Variants in UNC79 observed in about 807,000 individuals in gnomAD.
The protein encoded by UNC79 is protein unc-79 homolog.
UNC79 carries 37 observed loss-of-function variants against 283.1 expected under a neutral mutation model. The observed-to-expected ratio is 0.13, with a 90% CI of 0.10 to 0.17. UNC79 has a LOEUF of 0.17. Among genes scored for constraint, UNC79 ranks in the 10% least tolerant of loss-of-function variants. UNC79 has a pLI of 1.00. For synonymous variants in UNC79, 1,107 were observed against 1,200.2 expected (o/e 0.92, Z 1.61); for missense variants, 2,272 against 3,211.1 (o/e 0.71, Z 7.07).
At chr14:93,604,264 C>T (rs2065726469) in intron 26 of UNC79, among the ~76,000 whole-genome samples, 1 of 152,090 alleles carries the variant, frequency 6.6e-6, no homozygotes, top group African/African-American at 2.4e-5. Context: ...TATTTCTTAT[C>T]CTGTCAGAAG....
intron 47 of UNC79, among the ~76,000 whole-genome samples, chr14:93,695,785 G>A (rs569449137): frequency 1.5e-4 from 23 of 150,468 alleles, no homozygotes; most frequent in Non-Finnish European, 3.0e-4. Flanking sequence ...CCAGCTACAC[G>A]GGAGGCTGAG....
chr14:93,479,548 T>G (rs986472956), intron 4 of UNC79, among the ~76,000 whole-genome samples: 1 of 152,106 alleles, frequency 6.6e-6, no homozygotes, highest in Admixed American at 6.6e-5. Context: ...TCCACCCGCC[T>G]CAGCCTCCCA....
At chr14:93,687,778 CT>C (rs1373868304) in intron 43 of UNC79, among the ~76,000 whole-genome samples, 2 of 152,140 alleles carry the variant, frequency 1.3e-5, no homozygotes. Flanking sequence ...ACTTAAATGA[CT>C]TTGATGTACA....
At chr14:93,705,582 C>G (rs2075823272) in intron 48 of UNC79, among the ~76,000 whole-genome samples, 1 of 152,202 alleles carries the variant, frequency 6.6e-6, no homozygotes, top group Admixed American at 6.5e-5. Flanking sequence ...GGTCAGGGCC[C>G]CACAGCCTAA....
rs944624332 is a variant in UNC79, at chr14:93,474,328, A to G, written c.383A>G (p.Gln128Arg). The G allele has an allele frequency of 6.5e-7, 1 of 1,536,018 alleles. No homozygotes were observed. Among genetic ancestry groups the G allele is most frequent in the Non-Finnish European group, 8.7e-7 (1 of 1,146,854 alleles). Residue 128 changes from glutamine to arginine, a missense_variant, in exon 3 of 49, where the codon CAA becomes CGA. Physicochemically the swap from Gln to Arg is conservative, Grantham distance 43. Transcript: ENST00000555664. The surrounding 1 kb of genome is among the most constrained non-coding windows in gnomAD (Gnocchi z 4.1). ...TCAGACTACCCTTCTTTGGACTACCAAGGCCTCTACGTGACTTTGGTGACC... is the reference window on the plus strand; with the variant it reads ...TCAGACTACCCTTCTTTGGACTACCGAGGCCTCTACGTGACTTTGGTGACC...
chr14:93,576,274 C>T (rs1194092236), intron 17 of UNC79, among the ~76,000 whole-genome samples: 1 of 152,040 alleles, frequency 6.6e-6, no homozygotes, highest in Non-Finnish European at 1.5e-5. Flanking sequence ...TTCCTTTTTA[C>T]CTTAAAAATG....
At chr14:93,645,383 G>A (rs1343525763) in intron 34 of UNC79, among the ~76,000 whole-genome samples, 1 of 152,142 alleles carries the variant, frequency 6.6e-6, no homozygotes, top group African/African-American at 2.4e-5. Flanking sequence ...GGGTAGACTA[G>A]CAAGAGACAG....
At chr14:93,705,343 C>A in intron 48 of UNC79, among the ~76,000 whole-genome samples, 1 of 93,446 alleles carries the variant, frequency 1.1e-5, no homozygotes. Flanking sequence ...AAGACCCAGT[C>A]TCTCAAAAAA....
chr14:93,701,710 G>A (rs2075543089), intron 47 of UNC79, among the ~76,000 whole-genome samples: 1 of 152,100 alleles, frequency 6.6e-6, no homozygotes, highest in Admixed American at 6.5e-5. Flanking sequence ...GTGATGGCTG[G>A]GTTATATAAT....
At chr14:93,348,786 T>A (rs2139905888) in intron 1 of UNC79, among the ~76,000 whole-genome samples, 1 of 152,380 alleles carries the variant, frequency 6.6e-6, no homozygotes, top group Admixed American at 6.5e-5. Context: ...ACTCTGAGTC[T>A]TGGTTTCCTT....
intron 1 of UNC79, among the ~76,000 whole-genome samples, chr14:93,392,216 A>T (rs1392955642): frequency 6.6e-6 from 1 of 152,240 alleles, no homozygotes; most frequent in South Asian, 2.1e-4. Flanking sequence ...AGTCTTTGAT[A>T]TTTGTACAAA....
At chr14:93,643,267 G>A (rs552969231) in intron 33 of UNC79, among the ~76,000 whole-genome samples, 1 of 152,326 alleles carries the variant, frequency 6.6e-6, no homozygotes, top group South Asian at 2.1e-4. Flanking sequence ...TGGCCCAGTT[G>A]GTACTCATTC....
chr14:93,347,491 C>T lies in UNC79; in HGVS notation c.-351+13968C>T, dbSNP rs115006280. The stretch of plus-strand genomic sequence containing the variant: ...AGAAGGGAGGACACGGCGTGCAGGC[C>T]TCGCGTGGGAGGCTCTTGTGGCTTG... On this transcript the variant is annotated intron_variant, in intron 1 of 49. Coordinates refer to the UNC79 transcript ENST00000256339. The T allele has an allele frequency of 3.9e-3, 5,158 of 1,307,232 alleles. 167 individuals are homozygous for T. In the African/African-American group the frequency reaches 0.073, roughly 18 times the overall value. The allele number at this position is 1,307,232 out of a possible 1,614,324, so 81.0% of individuals were successfully genotyped here.
At chr14:93,607,780 T>A (rs1446506853) in intron 26 of UNC79, among the ~76,000 whole-genome samples, 1 of 152,192 alleles carries the variant, frequency 6.6e-6, no homozygotes, top group Non-Finnish European at 1.5e-5. Flanking sequence ...TGCCCAGTAC[T>A]AGTTAGGATC....
chr14:93,566,304 A>T (rs1384497608), intron 14 of UNC79, among the ~76,000 whole-genome samples: 1 of 152,170 alleles, frequency 6.6e-6, no homozygotes, highest in Non-Finnish European at 1.5e-5. Context: ...CAAGGGTTTT[A>T]TTTCAGGGCT....
chr14:93,690,194 C>T lies in UNC79; in HGVS notation c.7163C>T (p.Ala2388Val). The change falls in exon 45 of 49, where the codon GCA becomes GTA. Residue 2388 changes from alanine to valine, a missense_variant. Ala to Val is a moderately conservative substitution (Grantham distance 64, BLOSUM62 0). Around this residue, in one of 11 missense-constraint regions of UNC79, gnomAD observed 225 missense variants for 334.2 expected, o/e 0.67. Coordinates refer to ENST00000555664, the Ensembl canonical transcript of UNC79. The surrounding 1 kb of genome is among the most constrained non-coding windows in gnomAD (Gnocchi z 4.3). ...CTGCTGGGTTCCCTCACTCACAATGCAGTGTGCCCAAATGCCTCCTCTCCC... is the reference window on the plus strand; with the variant it reads ...CTGCTGGGTTCCCTCACTCACAATGTAGTGTGCCCAAATGCCTCCTCTCCC... 6.2e-7 allele frequency: 1 copy of T among 1,614,200 alleles called. No individual in the cohort carries two copies. Among genetic ancestry groups the T allele is most frequent in the Non-Finnish European group, 8.5e-7 (1 of 1,180,036 alleles).
At chr14:93,397,702 G>T (rs1050635366) in intron 1 of UNC79, among the ~76,000 whole-genome samples, 5 of 151,746 alleles carry the variant, frequency 3.3e-5, no homozygotes, top group African/African-American at 1.2e-4. Flanking sequence ...ACAGATCCTT[G>T]ATCATAGCTG....
At chr14:93,675,809 G>A (rs1204407846) in intron 41 of UNC79, among the ~76,000 whole-genome samples, 1 of 152,188 alleles carries the variant, frequency 6.6e-6, no homozygotes, top group Non-Finnish European at 1.5e-5. Context: ...AGTGATTGCT[G>A]GAAAATGACA....
intron 35 of UNC79, among the ~76,000 whole-genome samples, chr14:93,651,202 G>A (rs983576108): frequency 1.3e-5 from 2 of 152,116 alleles, no homozygotes; most frequent in Non-Finnish European, 2.9e-5. Context: ...AGTAGTAAGT[G>A]TTAAAGTCAG....
Sources: allele counts gnomAD v4.1 joint callset (sites outside exome capture counted in the v4.1 genomes callset), GRCh38; gene constraint gnomAD v4.1.1; regional missense constraint gnomAD v4.1.1; non-coding constraint Gnocchi (gnomAD v3.1); transcripts MANE v1.5; gene names NCBI Gene and HGNC (gene_info 2026-07-23, HGNC 2026-07-21).